PDZRN4: variants seen among roughly 807,000 people sequenced by gnomAD.
PDZRN4 encodes PDZ domain containing ring finger 4, also known as PDZ domain-containing RING finger protein 4.
A neutral mutation model predicts 99.0 loss-of-function variants in PDZRN4; 70 were observed. The observed-to-expected ratio is 0.71, with a 90% confidence interval of 0.58 to 0.86. The LOEUF (loss-of-function observed/expected upper bound fraction) is 0.86. Among genes scored for constraint, PDZRN4 ranks in the 40% least tolerant of loss-of-function variants. PDZRN4 has a pLI of 0.00. For synonymous variants in PDZRN4, 551 were observed against 501.6 expected, an observed-to-expected ratio of 1.10 and a Z score of -1.32; for missense variants, 1,474 against 1,331.2, an observed-to-expected ratio of 1.11 and a Z score of -1.67.
At chr12:41,232,611 A>T (rs1425493302) in intron 3 of PDZRN4, among the ~76,000 whole-genome samples, 1 of 147,766 alleles carries the variant, frequency 6.8e-6, no homozygotes, top group Non-Finnish European at 1.5e-5. Flanking sequence ...ATTTTCTCCC[A>T]TTCTGTAGGT....
At chr12:41,528,387 T>G (rs1938605947) in intron 5 of PDZRN4, among the ~76,000 whole-genome samples, 1 of 152,300 alleles carries the variant, frequency 6.6e-6, no homozygotes, top group South Asian at 2.1e-4. Context: ...GTACATAAAC[T>G]TTTTCTTTAT....
intron 3 of PDZRN4, among the ~76,000 whole-genome samples, chr12:41,506,186 A>C (rs1938202284): frequency 6.6e-6 from 1 of 152,056 alleles, no homozygotes; most frequent in Admixed American, 6.6e-5. Flanking sequence ...GTGTTACTTA[A>C]ATTTTTAAAT....
chr12:41,490,687 TG>T (rs1487950417), intron 3 of PDZRN4, among the ~76,000 whole-genome samples: 3 of 152,188 alleles, frequency 2.0e-5, no homozygotes, highest in African/African-American at 7.2e-5. Context: ...GTCTTGAGGC[TG>T]GTTGCTCTTC....
intron 3 of PDZRN4, among the ~76,000 whole-genome samples, chr12:41,239,118 G>C (rs1048430681): frequency 1.7e-4 from 26 of 152,174 alleles, no homozygotes; most frequent in Non-Finnish European, 3.2e-4. Flanking sequence ...ATACACCATG[G>C]AATAGTATGC....
rs187694765 is a variant in PDZRN4 at position 41,286,073 on chromosome 12, C to T, written c.843+91885C>T. 9.6e-4 allele frequency among the ~76,000 whole-genome samples: 146 copies of T among 151,978 alleles called. 1 individual carries two copies. The highest frequency in any genetic ancestry group is 3.4e-3 in the African/African-American group (142 of 41,466). On this transcript the variant is annotated intron_variant, in intron 3 of 9. Transcript: ENST00000402685. ...GAAACAAAAATTTAACTCCTGATTG[C>T]TTGATGAATTGGGAATGTGATAAGA... is the stretch of plus-strand genomic sequence containing the variant.
At chr12:41,407,170 G>A (rs954381204) in intron 3 of PDZRN4, among the ~76,000 whole-genome samples, 3 of 152,110 alleles carry the variant, frequency 2.0e-5, no homozygotes, top group African/African-American at 4.8e-5. Flanking sequence ...TCAGCCCTTG[G>A]CAAAGTCCTC....
At chr12:41,509,602 C>A in intron 4 of PDZRN4, 1 of 378,932 alleles carries the variant, frequency 2.6e-6, no homozygotes, top group Non-Finnish European at 4.8e-6. Flanking sequence ...TTATTCCTAG[C>A]ATTCTCTCAG....
intron 8 of PDZRN4, among the ~76,000 whole-genome samples, chr12:41,565,939 C>T (rs148600454): frequency 1.7e-4 from 26 of 152,206 alleles, no homozygotes; most frequent in African/African-American, 6.0e-4. Context: ...TCCTGCAGCT[C>T]AGCTCAAGGG....
At chr12:41,401,781 C>A (rs1174795111) in intron 3 of PDZRN4, among the ~76,000 whole-genome samples, 1 of 151,816 alleles carries the variant, frequency 6.6e-6, no homozygotes, top group African/African-American at 2.4e-5. Flanking sequence ...TAGAATGTCA[C>A]AAAAAGACTA....
At chr12:41,372,965 A>G (rs1279267012) in intron 3 of PDZRN4, among the ~76,000 whole-genome samples, 3 of 152,156 alleles carry the variant, frequency 2.0e-5, no homozygotes, top group South Asian at 2.1e-4. Flanking sequence ...TGGTCTGAGA[A>G]ATAAAGGGAC....
At chr12:41,263,150 C>T (rs74666466) in intron 3 of PDZRN4, among the ~76,000 whole-genome samples, 1 of 152,188 alleles carries the variant, frequency 6.6e-6, no homozygotes, top group East Asian at 1.9e-4. Context: ...GTACATGTAT[C>T]AATGAGACAT....
intron 5 of PDZRN4, among the ~76,000 whole-genome samples, chr12:41,523,962 C>T (rs1318938125): frequency 1.3e-5 from 2 of 152,070 alleles, no homozygotes; most frequent in Non-Finnish European, 2.9e-5. Context: ...GAGAAGTATA[C>T]ACTTATGAAA....
intron 3 of PDZRN4, among the ~76,000 whole-genome samples, chr12:41,288,303 T>C (rs189323884): frequency 5.9e-5 from 9 of 152,294 alleles, no homozygotes; most frequent in Non-Finnish European, 8.8e-5. Context: ...GGCTAACTTT[T>C]ACTCCTGAGG....
At chr12:41,316,287 T>C (rs1343820404) in intron 3 of PDZRN4, among the ~76,000 whole-genome samples, 1 of 152,090 alleles carries the variant, frequency 6.6e-6, no homozygotes, top group Non-Finnish European at 1.5e-5. Flanking sequence ...GGAAAGCGTA[T>C]GTTAAAATCA....
chr12:41,403,809 C>G (rs919546000), intron 3 of PDZRN4, among the ~76,000 whole-genome samples: 1 of 152,018 alleles, frequency 6.6e-6, no homozygotes, highest in African/African-American at 2.4e-5. Context: ...CTTTTTAGTA[C>G]CAGGCATATG....
chr12:41,406,354 A>G (rs1262878986), intron 3 of PDZRN4, among the ~76,000 whole-genome samples: 1 of 152,136 alleles, frequency 6.6e-6, no homozygotes, highest in African/African-American at 2.4e-5. Context: ...AAACAAAAAA[A>G]TGTATAAAAG....
intron 3 of PDZRN4, among the ~76,000 whole-genome samples, chr12:41,297,819 T>G (rs1257865142): frequency 6.6e-6 from 1 of 152,102 alleles, no homozygotes; most frequent in African/African-American, 2.4e-5. Flanking sequence ...CACAAAAAAT[T>G]AACCAAACTG....
chr12:41,520,874 T>A (rs1024585200), intron 5 of PDZRN4, among the ~76,000 whole-genome samples: 1 of 152,142 alleles, frequency 6.6e-6, no homozygotes, highest in Non-Finnish European at 1.5e-5. Flanking sequence ...TAGGAGAATG[T>A]GAAGATGAAG....
At chr12:41,336,631 G>A (rs1951776939) in intron 3 of PDZRN4, among the ~76,000 whole-genome samples, 1 of 152,106 alleles carries the variant, frequency 6.6e-6, no homozygotes, top group African/African-American at 2.4e-5. Context: ...AATTCACGCA[G>A]AGTGGGCTGT....
Sources: gnomAD v4.1 joint callset for allele counts (sites outside exome capture counted in the v4.1 genomes callset) on GRCh38, gnomAD v4.1.1 for gene constraint, MANE v1.5 for transcripts, NCBI Gene and HGNC (gene_info 2026-07-23, HGNC 2026-07-21) for gene names.